The following KCNH3 variants were observed in gnomAD, a reference collection of about 807,000 sequenced individuals.
The protein encoded by KCNH3 is voltage-gated inwardly rectifying potassium channel KCNH3.
In KCNH3, 36 loss-of-function variants were observed where a neutral mutation model predicts 95.6. The ratio of observed to expected loss-of-function variants is 0.38; its 90% CI spans 0.29 to 0.50. The LOEUF is 0.50. Ranked by LOEUF, KCNH3 falls within the 20% of genes least tolerant of loss-of-function variation. The pLI, the probability that KCNH3 is intolerant of heterozygous loss-of-function variation, is 0.95. For synonymous variants in KCNH3, 620 were observed against 646.3 expected (o/e 0.96, Z 0.62); for missense variants, 1,030 against 1,484.1 (o/e 0.69, Z 5.03).
chr12:49,552,855 A>G (rs1938310732), intron 10 of KCNH3, among the ~76,000 whole-genome samples: 1 of 152,228 alleles, frequency 6.6e-6, no homozygotes, highest in Non-Finnish European at 1.5e-5. Flanking sequence ...AGATCCAAAC[A>G]GCACTCAAAA....
At chr12:49,543,756 G>T in intron 5 of KCNH3, 159 bp from the exon 6 acceptor site, 4 of 1,110,342 alleles carry the variant, frequency 3.6e-6, no homozygotes, top group Non-Finnish European at 5.1e-6. Context: ...TTGTAAAATA[G>T]GCAAAATGAT....
chr12:49,539,308 G>A lies in KCNH3; in HGVS notation c.-109G>A. On this transcript the variant is annotated 5_prime_UTR_variant, in exon 1 of 15. Transcript: ENST00000257981. The surrounding 1 kb of genome is among the most constrained non-coding windows in gnomAD (Gnocchi z 6.7). ...GTCTGCGCATTGCCCCCCGACGGCT[G>A]CGCTAGGGAGCGCGGGGCCCGGCGG... 1 of 566,932 alleles carries A rather than the reference G, an allele frequency of 1.8e-6. No homozygotes were observed. The highest frequency in any genetic ancestry group is 4.7e-5 in the Admixed American group (1 of 21,084). 35.1% of individuals were successfully genotyped at this position (566,932 alleles called of 1,614,324 possible).
At position 49,543,522 on chromosome 12, in the gene KCNH3, C is replaced by A; in HGVS notation, c.823+4C>A. ...GTGGAGGTCCTCTTCATCCTTGGTG[C>A]GTGCACTCTGCCCCTTCCGCCCCAC... On this transcript the variant is annotated splice_donor_region_variant and intron_variant, in intron 5 of 14. Transcript: ENST00000257981. 1 of 1,591,772 alleles carries A rather than the reference C, an allele frequency of 6.3e-7. No individual in the cohort carries two copies.
At chr12:49,549,304 G>T in intron 8 of KCNH3, 131 bp downstream of exon 8, 1 of 1,456,110 alleles carries the variant, frequency 6.9e-7, no homozygotes, top group East Asian at 2.3e-5. Flanking sequence ...CCCGAGGCCG[G>T]GGGTGGGGGA....
chr12:49,548,095 C>CATGTGT (rs1491578844), intron 7 of KCNH3, among the ~76,000 whole-genome samples: 1 of 146,616 alleles, frequency 6.8e-6, no homozygotes, highest in African/African-American at 2.5e-5. Context: ...CCTGTGACTA[C>CATGTGT]GTGTGTGTGT....
At chr12:49,547,884 G>T (rs552080289) in intron 7 of KCNH3, among the ~76,000 whole-genome samples, 2 of 152,058 alleles carry the variant, frequency 1.3e-5, no homozygotes, top group African/African-American at 4.8e-5. Context: ...ATGGCCCCCA[G>T]CTCTGCCAGG....
intron 11 of KCNH3, 65 bp from the exon 12 acceptor site, chr12:49,555,555 A>G: frequency 9.9e-7 from 1 of 1,005,996 alleles, no homozygotes; most frequent in South Asian, 1.9e-5. Flanking sequence ...AAGCCTTGGT[A>G]GGGGAGGTGA....
rs1363934371 is a variant in KCNH3 at position 49,555,564 on chromosome 12, G to C, written c.2137-56G>C. 36 of 1,138,132 alleles carry C rather than the reference G, an allele frequency of 3.2e-5. 1 individual carries two copies. The Admixed American group carries it at 9.3e-4, about 29-fold the overall frequency. 70.5% of individuals were successfully genotyped at this position (1,138,132 alleles called of 1,614,324 possible). A position where few individuals can be genotyped will look rare whatever the true frequency, so the allele number is the denominator to read the frequency against. On this transcript the variant is annotated intron_variant, in intron 11 of 14. Coordinates refer to ENST00000257981, the MANE Select transcript of KCNH3 (RefSeq NM_012284.3). The stretch of plus-strand genomic sequence containing the variant: ...TAGATGAAGCCTTGGTAGGGGAGGT[G>C]AGTGGGACACAATAGTGACCATCCA...
chr12:49,545,006 A>C (rs1938012496), intron 7 of KCNH3, among the ~76,000 whole-genome samples: 1 of 151,972 alleles, frequency 6.6e-6, no homozygotes, highest in Non-Finnish European at 1.5e-5. Flanking sequence ...CTCTGCACCC[A>C]AAATGTCACC....
At chr12:49,542,876 G>A (rs759428908) in intron 4 of KCNH3, 37 bp downstream of exon 4, 2 of 1,594,556 alleles carry the variant, frequency 1.3e-6, no homozygotes, top group East Asian at 2.3e-5. Flanking sequence ...AGAGGGGAGG[G>A]GCAGACGCAG....
intron 1 of KCNH3, 78 bp from the exon 2 acceptor site, chr12:49,540,821 C>T: frequency 1.7e-6 from 2 of 1,192,482 alleles, no homozygotes; most frequent in Non-Finnish European, 2.5e-6. Flanking sequence ...TCTTTGGTTG[C>T]AGGCATTTGA....
At chr12:49,554,589 G>T (rs775724708) in intron 11 of KCNH3, 35 bp downstream of exon 11, 2 of 1,564,904 alleles carry the variant, frequency 1.3e-6, no homozygotes, top group East Asian at 4.5e-5. Flanking sequence ...GAGGGGATGG[G>T]GGTGCCAGGG....
intron 9 of KCNH3, 37 bp from the exon 10 acceptor site, chr12:49,550,043 T>TGGC: frequency 3.2e-5 from 42 of 1,299,472 alleles, no homozygotes; most frequent in South Asian, 6.6e-5. Context: ...CTTCTGCCAC[T>TGGC]CCCAACCCCC....
chr12:49,540,783 C>T (rs1937844388), intron 1 of KCNH3, 116 bp from the exon 2 acceptor site: 2 of 756,160 alleles, frequency 2.6e-6, no homozygotes, highest in Non-Finnish European at 4.5e-6. Context: ...TTAACACACG[C>T]AGGATTCCTG....
intron 10 of KCNH3, among the ~76,000 whole-genome samples, chr12:49,551,634 G>T (rs1034644953): frequency 6.6e-6 from 1 of 151,558 alleles, no homozygotes; most frequent in Non-Finnish European, 1.5e-5. Context: ...CTCTATGGCT[G>T]CAAGAGACTA....
At chr12:49,556,500 A>T in intron 13 of KCNH3, 24 bp downstream of exon 13, 1 of 1,547,652 alleles carries the variant, frequency 6.5e-7, no homozygotes, top group South Asian at 1.1e-5. Context: ...GGGATGGTCT[A>T]GGTTGGTGGG....
At position 49,557,754 on chromosome 12, in the gene KCNH3, C is replaced by A; in HGVS notation, c.3053C>A (p.Pro1018His). ...TCTGAGCCCAGCACCCCTGCCTCCC[C>A]TCCTCCTTCTGAGGAAGGGGCTAGG... ...LCSEPSTPASPPPSEEGARTG... is the reference protein window; with the variant it reads ...LCSEPSTPASHPPSEEGARTG... The change falls in exon 15 of 15, where the codon CCT (proline) becomes CAT (histidine). Residue 1018 changes from proline (P) to histidine (H), a missense_variant. Physicochemically the swap from Pro to His is moderately conservative, Grantham distance 77 (BLOSUM62 -2). Coordinates refer to ENST00000257981, the MANE Select transcript of KCNH3 (RefSeq NM_012284.3). The A allele has an allele frequency of 1.2e-6, 2 of 1,613,010 alleles. No homozygotes were observed. The highest frequency in any genetic ancestry group is 1.7e-6 in the Non-Finnish European group (2 of 1,179,592).
At chr12:49,540,157 C>A (rs550162701) in intron 1 of KCNH3, among the ~76,000 whole-genome samples, 1 of 152,148 alleles carries the variant, frequency 6.6e-6, no homozygotes, top group Non-Finnish European at 1.5e-5. Context: ...TCACATCCCC[C>A]GTGGGGCTTC....
intron 12 of KCNH3, 31 bp from the exon 13 acceptor site, chr12:49,556,339 T>G: frequency 6.6e-7 from 1 of 1,519,772 alleles, no homozygotes; most frequent in Non-Finnish European, 9.1e-7. Flanking sequence ...GCCTGTCCAT[T>G]GATTTGTTGT....
Sources: gnomAD v4.1 joint callset for allele counts (sites outside exome capture counted in the v4.1 genomes callset) on GRCh38, gnomAD v4.1.1 for gene constraint, Gnocchi (gnomAD v3.1) non-coding constraint, MANE v1.5 for transcripts, NCBI Gene and HGNC (gene_info 2026-07-23, HGNC 2026-07-21) for gene names.